KHDRBS2: variants seen among roughly 807,000 people sequenced by gnomAD.
KHDRBS2 encodes the protein KH RNA binding domain containing, signal transduction associated 2, also known as KH domain-containing, RNA-binding, signal transduction-associated protein 2.
In KHDRBS2, 26 loss-of-function variants were observed where a neutral mutation model predicts 44.3. The observed-to-expected ratio is 0.59, with a 90% CI of 0.43 to 0.81. The LOEUF (loss-of-function observed/expected upper bound fraction) is 0.81. KHDRBS2 is among the 40% of genes least tolerant of loss of function. The probability of loss-of-function intolerance (pLI) is 0.00; values close to 1 mark genes in which losing one functional copy is unlikely to be tolerated. For synonymous variants in KHDRBS2, 194 were observed against 151.1 expected (o/e 1.28, Z -2.08); for missense variants, 476 against 433.1 (o/e 1.10, Z -0.88).
At chr6:61,747,661 G>A (rs748269828) in intron 6 of KHDRBS2, among the ~76,000 whole-genome samples, 2 of 152,014 alleles carry the variant, frequency 1.3e-5, no homozygotes, top group Non-Finnish European at 2.9e-5. Flanking sequence ...ATATGGTACC[G>A]AATGTTACAA....
chr6:62,052,297 A>C (rs1789242805), intron 2 of KHDRBS2, among the ~76,000 whole-genome samples: 2 of 152,022 alleles, frequency 1.3e-5, no homozygotes, highest in Non-Finnish European at 2.9e-5. Flanking sequence ...CAGCCTGAAA[A>C]ACAATGAGAC....
chr6:61,854,667 G>A (rs1007463480), intron 6 of KHDRBS2, among the ~76,000 whole-genome samples: 3 of 152,130 alleles, frequency 2.0e-5, no homozygotes, highest in South Asian at 4.1e-4. Context: ...TCAGGCCTAA[G>A]ATGATTACAT....
At chr6:61,894,900 A>T in intron 5 of KHDRBS2, 67 bp from the exon 6 acceptor site, 1 of 1,086,614 alleles carries the variant, frequency 9.2e-7, no homozygotes, top group Non-Finnish European at 1.4e-6. Flanking sequence ...TCACAGAAAA[A>T]GTTTTCATCT....
chr6:62,226,746 A>G (rs1294777220), intron 1 of KHDRBS2, among the ~76,000 whole-genome samples: 3 of 152,178 alleles, frequency 2.0e-5, no homozygotes, highest in African/African-American at 7.2e-5. Flanking sequence ...GCATATGTCT[A>G]GCCAGTTTTC....
At chr6:62,148,722 T>G (rs975509499) in intron 2 of KHDRBS2, among the ~76,000 whole-genome samples, 1 of 152,058 alleles carries the variant, frequency 6.6e-6, no homozygotes, top group African/African-American at 2.4e-5. Context: ...CTATTAAGTT[T>G]CACCCTTACA....
rs547313344 is a variant in KHDRBS2 at position 61,710,108 on chromosome 6, T to C, written c.894-12855A>G. Among the ~76,000 whole-genome samples the C allele has an allele frequency of 1.6e-3, 238 of 151,828 alleles. 1 individual carries two copies. Among genetic ancestry groups the C allele is most frequent in the African/African-American group, 5.3e-3 (222 of 41,496 alleles). On this transcript the variant is annotated intron_variant, in intron 7 of 8. Transcript: ENST00000281156. ...AAGGTTATTTTCATGCATCAGACTTTAGAAATTTAAATGACCAGAGTCTGG... is the reference window on the plus strand; with the variant it reads ...AAGGTTATTTTCATGCATCAGACTTCAGAAATTTAAATGACCAGAGTCTGG...
chr6:62,186,136 T>G (rs78279464), intron 1 of KHDRBS2, among the ~76,000 whole-genome samples: 2,071 of 152,178 alleles, frequency 0.014, 45 homozygotes, highest in African/African-American at 0.047. Context: ...ATGATGACAG[T>G]TATTGCTTTC....
In KHDRBS2 at chr6:62,168,220, T is replaced by TG. The variant is rs1379618282; in HGVS notation, c.219+8964dup. Among the ~76,000 whole-genome samples the TG allele has an allele frequency of 7.2e-5, 11 of 152,282 alleles. No individual in the cohort carries two copies. The Middle Eastern group carries it at 0.01, about 141-fold the overall frequency. On this transcript the variant is annotated intron_variant, in intron 2 of 8. Coordinates refer to ENST00000281156, the MANE Select transcript of KHDRBS2 (RefSeq NM_152688.4). ...ATTTGATCTTAAAAAAGGCCAAATT[T>TG]GGGGCAGTTTTACACTCCTGGCAAT...
chr6:61,846,347 A>G (rs1794401216), intron 6 of KHDRBS2, among the ~76,000 whole-genome samples: 1 of 152,214 alleles, frequency 6.6e-6, no homozygotes, highest in East Asian at 1.9e-4. Flanking sequence ...CATATAATAG[A>G]AAATCTAACC....
At chr6:61,940,188 A>G (rs897524334) in intron 4 of KHDRBS2, among the ~76,000 whole-genome samples, 2 of 152,144 alleles carry the variant, frequency 1.3e-5, no homozygotes, top group Non-Finnish European at 2.9e-5. Flanking sequence ...TATCAGAAAT[A>G]TATAAATTGC....
At chr6:62,157,553 C>G (rs1011550452) in intron 2 of KHDRBS2, among the ~76,000 whole-genome samples, 5 of 152,078 alleles carry the variant, frequency 3.3e-5, no homozygotes, top group Admixed American at 3.3e-4. Context: ...CAGATGGGAA[C>G]ACAGGAAATG....
At chr6:61,742,763 C>A (rs1347670042) in intron 6 of KHDRBS2, among the ~76,000 whole-genome samples, 3 of 151,978 alleles carry the variant, frequency 2.0e-5, no homozygotes, top group Non-Finnish European at 4.4e-5. Flanking sequence ...GTCATTAAAC[C>A]TAACAGTTTA....
At chr6:62,222,791 C>A (rs958130876) in intron 1 of KHDRBS2, among the ~76,000 whole-genome samples, 1 of 152,178 alleles carries the variant, frequency 6.6e-6, no homozygotes, top group Non-Finnish European at 1.5e-5. Context: ...CTTAAAACTC[C>A]AAAATAATCT....
At chr6:61,657,245 A>G in the KHDRBS2 span, among the ~76,000 whole-genome samples, 1 of 152,048 alleles carries the variant, frequency 6.6e-6, no homozygotes, top group Admixed American at 6.6e-5. Flanking sequence ...AAGCATTGTA[A>G]GATGCCCTCG....
At chr6:61,715,286 AGAT>A (rs905155333) in intron 7 of KHDRBS2, among the ~76,000 whole-genome samples, 3 of 151,904 alleles carry the variant, frequency 2.0e-5, no homozygotes, top group Admixed American at 6.6e-5. Context: ...TGCAGAAAAA[AGAT>A]GATTTTTTCC....
chr6:61,917,575 T>C (rs1807251859), intron 4 of KHDRBS2, among the ~76,000 whole-genome samples: 1 of 151,948 alleles, frequency 6.6e-6, no homozygotes. Flanking sequence ...ATAGATGTCA[T>C]GCCTTTGCCC....
At chr6:61,999,005 C>A (rs966347308) in intron 3 of KHDRBS2, among the ~76,000 whole-genome samples, 1 of 152,076 alleles carries the variant, frequency 6.6e-6, no homozygotes, top group African/African-American at 2.4e-5. Flanking sequence ...TCTTTGCCTA[C>A]ATTTTCTCAT....
At chr6:61,736,179 C>T (rs1775314226) in intron 6 of KHDRBS2, among the ~76,000 whole-genome samples, 1 of 135,828 alleles carries the variant, frequency 7.4e-6, no homozygotes, top group African/African-American at 2.7e-5. Flanking sequence ...CTTTTTTGTC[C>T]TATATGATAT....
At chr6:62,030,550 A>T (rs1446786979) in intron 3 of KHDRBS2, among the ~76,000 whole-genome samples, 2 of 152,084 alleles carry the variant, frequency 1.3e-5, no homozygotes, top group African/African-American at 4.8e-5. Context: ...TATTTTCCAA[A>T]TCTTAATTTA....
Sources: gnomAD v4.1 joint callset for allele counts (sites outside exome capture counted in the v4.1 genomes callset) on GRCh38, gnomAD v4.1.1 for gene constraint, MANE v1.5 for transcripts, NCBI Gene and HGNC (gene_info 2026-07-23, HGNC 2026-07-21) for gene names.